Variants in SPCS2 observed in about 807,000 individuals in gnomAD.
The protein encoded by SPCS2 is SPase 25 kDa subunit.
A neutral mutation model predicts 22.3 loss-of-function variants in SPCS2; 3 were observed. The observed-to-expected ratio is 0.13, with a 90% confidence interval of 0.06 to 0.35. The LOEUF is 0.35. SPCS2 is among the 10% of genes least tolerant of loss of function. The probability of loss-of-function intolerance (pLI) is 1.00; values close to 1 mark genes in which losing one functional copy is unlikely to be tolerated. For missense variants in SPCS2, 169 were observed against 280.9 expected (o/e 0.60, Z 2.85); for synonymous variants, 67 against 97.2 (o/e 0.69, Z 1.83).
At chr11:74,957,190 A>C (rs1948484762) in intron 1 of SPCS2, among the ~76,000 whole-genome samples, 1 of 152,224 alleles carries the variant, frequency 6.6e-6, no homozygotes, top group Admixed American at 6.5e-5. Flanking sequence ...AATTTAAAGA[A>C]AATAAAGAGT....
At chr11:74,965,460 C>T (rs1383286370) in intron 2 of SPCS2, among the ~76,000 whole-genome samples, 2 of 152,012 alleles carry the variant, frequency 1.3e-5, no homozygotes, top group Non-Finnish European at 2.9e-5. Flanking sequence ...GCCTAGAGCA[C>T]AGAAGGGTGA....
intron 4 of SPCS2, among the ~76,000 whole-genome samples, chr11:74,972,458 C>T (rs1040342294): frequency 1.3e-5 from 2 of 152,208 alleles, no homozygotes; most frequent in Admixed American, 1.3e-4. Context: ...CCTGGGCCCG[C>T]CCCCTCCTCC....
At chr11:74,972,141 A>G (rs1948588359) in intron 4 of SPCS2, among the ~76,000 whole-genome samples, 1 of 151,906 alleles carries the variant, frequency 6.6e-6, no homozygotes, top group South Asian at 2.1e-4. Context: ...ATCTTGGCTC[A>G]CTGCAACCTC....
chr11:74,967,158 T>G (rs493001), intron 3 of SPCS2, among the ~76,000 whole-genome samples: 122,962 of 151,720 alleles, frequency 0.81, 49,969 homozygotes, highest in African/African-American at 0.85. Context: ...GCCCCACATT[T>G]CCCCCAGAAG....
intron 1 of SPCS2, among the ~76,000 whole-genome samples, chr11:74,953,300 C>G (rs1389517646): frequency 6.6e-6 from 1 of 151,714 alleles, no homozygotes; most frequent in African/African-American, 2.4e-5. Context: ...TCAAACAATT[C>G]TCCTGCCTCA....
chr11:74,967,235 A>G (rs151038423), intron 3 of SPCS2, among the ~76,000 whole-genome samples: 2 of 152,338 alleles, frequency 1.3e-5, no homozygotes, highest in African/African-American at 2.4e-5. Context: ...ATTTTTCACT[A>G]TTAAGGCAGT....
At position 74,949,673 on chromosome 11, in the gene SPCS2, A is replaced by C. The variant is rs113546515; in HGVS notation, c.114+274A>C. 4,283 of 498,090 alleles carry C rather than the reference A, an allele frequency of 8.6e-3. 137 individuals are homozygous for C. The highest frequency in any genetic ancestry group is 0.068 in the African/African-American group (3,494 of 51,668). 30.9% of individuals were successfully genotyped at this position (498,090 alleles called of 1,614,324 possible). On this transcript the variant is annotated intron_variant, in intron 1 of 4. Transcript: ENST00000263672. ...CGGTAATTTGATTTTTCCTATATTT[A>C]ATCGTGTCCATCTCTTTTCTCCTGG... is the stretch of plus-strand genomic sequence containing the variant.
chr11:74,955,886 A>ATATATATATATATATC, intron 1 of SPCS2, among the ~76,000 whole-genome samples: 1 of 128,896 alleles, frequency 7.8e-6, no homozygotes, highest in South Asian at 2.4e-4. Context: ...ATATATATAT[A>ATATATATATATATATC]TCTGCCTGCC....
At chr11:74,967,330 A>T (rs2140218928) in intron 3 of SPCS2, among the ~76,000 whole-genome samples, 1 of 152,364 alleles carries the variant, frequency 6.6e-6, no homozygotes, top group African/African-American at 2.4e-5. Flanking sequence ...ACATTATTAC[A>T]AATATCTGGC....
At chr11:74,952,180 A>C (rs1948450609) in intron 1 of SPCS2, among the ~76,000 whole-genome samples, 1 of 152,196 alleles carries the variant, frequency 6.6e-6, no homozygotes, top group African/African-American at 2.4e-5. Flanking sequence ...GTAGTGTATA[A>C]TATATAATAA....
At position 74,969,619 on chromosome 11, in the gene SPCS2, C is replaced by T. The variant is rs1413872973; in HGVS notation, c.414C>T (p.Ser138=). The part of the protein sequence containing the change: ...LTIYTSYKEK[S]IFLVAHRKDP... ...TTTATACCTCATATAAGGAGAAGAGCATCTTTCTCGTGGCCCACAGGAAAG... is the reference window on the plus strand; with the variant it reads ...TTTATACCTCATATAAGGAGAAGAGTATCTTTCTCGTGGCCCACAGGAAAG... Residue 138 remains serine (S), a synonymous_variant, in exon 4 of 5, where the codon AGC becomes AGT. Transcript: ENST00000263672. 4.3e-6 allele frequency: 7 copies of T among 1,612,958 alleles called. No homozygotes were observed. Among genetic ancestry groups the T allele is most frequent in the African/African-American group, 2.7e-5 (2 of 74,886 alleles).
At chr11:74,949,520 C>T (rs1334598130) in intron 1 of SPCS2, 121 bp downstream of exon 1, 33 of 865,382 alleles carry the variant, frequency 3.8e-5, no homozygotes, top group Non-Finnish European at 6.2e-5. Context: ...CTTGTGTGAC[C>T]ACTATCACAA....
chr11:74,961,298 T>C (rs1948512933), intron 1 of SPCS2, among the ~76,000 whole-genome samples: 1 of 152,212 alleles, frequency 6.6e-6, no homozygotes, highest in Non-Finnish European at 1.5e-5. Context: ...AATAGATACT[T>C]TCACCATCTT....
Position 74,977,684 on chromosome 11 carries a change from T to TA in SPCS2, c.*642dup, listed in dbSNP as rs1948622921. 1 of 152,668 alleles carries TA rather than the reference T, an allele frequency of 6.6e-6. No individual in the cohort carries two copies. The highest frequency in any genetic ancestry group is 6.5e-5 in the Admixed American group (1 of 15,282). The allele number at this position is 152,668 out of a possible 1,614,324, so 9.5% of individuals were successfully genotyped here. On this transcript the variant is annotated 3_prime_UTR_variant, in exon 5 of 5. Transcript: ENST00000263672. ...TCCCTGTTGATTTGTTTGTGCCTTT[T>TA]ATTAACTGCCATTTTCTAAAATTTT...
chr11:74,969,738 G>T (rs779636912), intron 4 of SPCS2, 39 bp downstream of exon 4: 26 of 1,612,824 alleles, frequency 1.6e-5, no homozygotes, highest in East Asian at 2.2e-5. Flanking sequence ...CCTGGTGTTG[G>T]ATTTGCCCTG....
intron 4 of SPCS2, among the ~76,000 whole-genome samples, chr11:74,970,509 G>A (rs866322648): frequency 1.2e-4 from 18 of 152,280 alleles, no homozygotes; most frequent in East Asian, 1.2e-3. Flanking sequence ...ATTCATACTC[G>A]TAGTCACTAT....
At chr11:74,975,332 C>T (rs1948608946) in intron 4 of SPCS2, among the ~76,000 whole-genome samples, 1 of 152,054 alleles carries the variant, frequency 6.6e-6, no homozygotes, top group South Asian at 2.1e-4. Context: ...GCTTTTCTGC[C>T]CATCTATTTA....
rs575602387 is a variant in SPCS2 at position 74,952,474 on chromosome 11, A to ATTTTAT, written c.114+3092_114+3097dup. Among the ~76,000 whole-genome samples, 166 of 151,920 alleles carry ATTTTAT rather than the reference A, an allele frequency of 1.1e-3. 2 individuals carry two copies. In the East Asian group the frequency reaches 0.027, roughly 25 times the overall value. On this transcript the variant is annotated intron_variant, in intron 1 of 4. Coordinates refer to ENST00000263672, the MANE Select transcript of SPCS2 (RefSeq NM_014752.3). The stretch of plus-strand genomic sequence containing the variant: ...TAGTTTGGTTTCCTCTGCCCTTTTT[A>ATTTTAT]TTTTATTTTTATTTTTATTTTTGGT...
At chr11:74,951,781 G>T (rs1948447331) in intron 1 of SPCS2, among the ~76,000 whole-genome samples, 1 of 127,810 alleles carries the variant, frequency 7.8e-6, no homozygotes, top group Non-Finnish European at 1.6e-5. Flanking sequence ...TTGCAGTCCA[G>T]CCTGGGCAAC....
Sources: gnomAD v4.1 joint callset for allele counts (sites outside exome capture counted in the v4.1 genomes callset) on GRCh38, gnomAD v4.1.1 for gene constraint, MANE v1.5 for transcripts, NCBI Gene and HGNC (gene_info 2026-07-23, HGNC 2026-07-21) for gene names.